Variants in THNSL1 observed in about 807,000 individuals in gnomAD.
The protein encoded by THNSL1 is threonine synthase-like 1.
Under a neutral mutation model 50.4 loss-of-function variants are expected in THNSL1, and 48 were observed. That is an observed-to-expected ratio of 0.95 (90% CI 0.76 to 1.21). The LOEUF (loss-of-function observed/expected upper bound fraction) is 1.21, where lower values mean the gene tolerates loss of function less well. Among genes scored for constraint, THNSL1 ranks in the 50% most tolerant of loss-of-function variants. The pLI is 0.00. For synonymous variants in THNSL1, 309 were observed against 306.1 expected (o/e 1.01, Z -0.10); for missense variants, 896 against 871.7 (o/e 1.03, Z -0.35).
the THNSL1 span, among the ~76,000 whole-genome samples, chr10:25,001,507 T>C: frequency 1.3e-5 from 2 of 152,138 alleles, no homozygotes; most frequent in Non-Finnish European, 2.9e-5. Context: ...CATGATTCTT[T>C]GACTGCTTGA....
At chr10:24,977,050 C>A in the THNSL1 span, among the ~76,000 whole-genome samples, 8 of 152,090 alleles carry the variant, frequency 5.3e-5, no homozygotes, top group African/African-American at 1.9e-4. Context: ...TCAATGAAAG[C>A]ATTGCTTTCT....
the THNSL1 span, among the ~76,000 whole-genome samples, chr10:25,007,450 A>ATTTC: frequency 1.3e-5 from 2 of 151,880 alleles, no homozygotes; most frequent in Non-Finnish European, 2.9e-5. Flanking sequence ...TTGTTTATTT[A>ATTTC]TTGAGATGGA....
the THNSL1 span, among the ~76,000 whole-genome samples, chr10:24,972,664 T>C: frequency 6.6e-6 from 1 of 152,134 alleles, no homozygotes; most frequent in African/African-American, 2.4e-5. Context: ...GAAAGACCAA[T>C]ATCAAAATGC....
chr10:24,956,235 C>A, the THNSL1 span, among the ~76,000 whole-genome samples: 1 of 151,924 alleles, frequency 6.6e-6, no homozygotes, highest in African/African-American at 2.4e-5. Flanking sequence ...TATTTCATCA[C>A]CCAGGTAATA....
At chr10:25,020,238 A>ATATATCTATCTATATCTATATCTATATC (rs1554772124) in intron 1 of THNSL1, among the ~76,000 whole-genome samples, 1 of 126,564 alleles carries the variant, frequency 7.9e-6, no homozygotes, top group African/African-American at 2.6e-5. Flanking sequence ...TTTCTTTAAA[A>ATATATCTATCTATATCTATATCTATATC]TATATCTATA....
rs764730530 is a variant in THNSL1 at position 25,024,632 on chromosome 10, C to T, written c.1409C>T (p.Ser470Phe). The change falls in exon 3 of 3, where the codon TCC (serine) becomes TTC (phenylalanine). Residue 470 changes from serine to phenylalanine, a missense_variant. Transcript: ENST00000376356. ...EYGTILSSANSINWGRLLPQV... is the reference protein window; with the variant it reads ...EYGTILSSANFINWGRLLPQV... ...GGAACAATCTTAAGTTCGGCTAACT[C>T]CATAAACTGGGGCCGACTACTTCCG... 1 of 1,614,236 alleles carries T rather than the reference C, an allele frequency of 6.2e-7. No individual in the cohort carries two copies.
the THNSL1 span, among the ~76,000 whole-genome samples, chr10:24,967,788 TATG>T: frequency 1.3e-4 from 20 of 151,878 alleles, no homozygotes; most frequent in Admixed American, 1.2e-3. Flanking sequence ...TGTATGTGCG[TATG>T]ATGTGTGTAT....
chr10:24,973,507 A>G, the THNSL1 span, among the ~76,000 whole-genome samples: 1 of 152,142 alleles, frequency 6.6e-6, no homozygotes, highest in Non-Finnish European at 1.5e-5. Flanking sequence ...TTTTCTAACC[A>G]TGTTGACCAC....
the THNSL1 span, among the ~76,000 whole-genome samples, chr10:24,975,603 C>T: frequency 6.6e-6 from 1 of 152,134 alleles, no homozygotes; most frequent in Non-Finnish European, 1.5e-5. Context: ...CGTGAGATCT[C>T]ATGGTTTTAT....
At chr10:24,993,772 T>C in the THNSL1 span, among the ~76,000 whole-genome samples, 7 of 152,234 alleles carry the variant, frequency 4.6e-5, no homozygotes, top group Non-Finnish European at 1.0e-4. Flanking sequence ...TCTGTTTCCA[T>C]GATGGATACT....
At chr10:25,010,029 A>C in the THNSL1 span, among the ~76,000 whole-genome samples, 5 of 152,194 alleles carry the variant, frequency 3.3e-5, no homozygotes, top group African/African-American at 1.2e-4. Flanking sequence ...AAAATGTGAA[A>C]GCGACTTTGG....
the THNSL1 span, among the ~76,000 whole-genome samples, chr10:24,954,336 C>A: frequency 6.6e-6 from 1 of 151,964 alleles, no homozygotes. Context: ...GGCTCATGAC[C>A]CATGCTTTAG....
At chr10:24,960,455 C>A in the THNSL1 span, among the ~76,000 whole-genome samples, 25 of 151,578 alleles carry the variant, frequency 1.6e-4, no homozygotes, top group East Asian at 4.9e-3. Flanking sequence ...GGAGATGGAG[C>A]CTTGCTCTGT....
chr10:24,966,944 G>A, the THNSL1 span, among the ~76,000 whole-genome samples: 1 of 152,156 alleles, frequency 6.6e-6, no homozygotes, highest in Non-Finnish European at 1.5e-5. Context: ...AGAAAATGTG[G>A]TAGTGTCTGT....
Position 25,025,463 on chromosome 10 carries a change from CAG to C in THNSL1, c.*11_*12del. 6.3e-7 allele frequency: 1 copy of C among 1,586,218 alleles called. No homozygotes were observed. The highest frequency in any genetic ancestry group is 8.6e-7 in the Non-Finnish European group (1 of 1,169,444). On this transcript the variant is annotated 3_prime_UTR_variant, in exon 3 of 3. Transcript: ENST00000376356. ...CAAAATCAATTCATATGAAAGCTTT[CAG>C]AGTAAATTTTTTTTTCTAGCTATAA...
At position 25,025,494 on chromosome 10, in the gene THNSL1, TGC is replaced by T. The variant is rs766742566; in HGVS notation, c.*40_*41del. On this transcript the variant is annotated 3_prime_UTR_variant, in exon 3 of 3. Transcript: ENST00000376356. ...AAATTTTTTTTTCTAGCTATAAGCATGCAATAATAAATCTCAAACACTGATTT... is the reference window on the plus strand; with the variant it reads ...AAATTTTTTTTTCTAGCTATAAGCATAATAATAAATCTCAAACACTGATTT... The T allele has an allele frequency of 9.7e-6, 15 of 1,545,188 alleles. No homozygotes were observed. Among genetic ancestry groups the T allele is most frequent in the Non-Finnish European group, 1.1e-5 (13 of 1,145,952 alleles).
At chr10:24,952,699 G>A in the THNSL1 span, 2 of 867,704 alleles carry the variant, frequency 2.3e-6, no homozygotes, top group African/African-American at 3.6e-5. The surrounding 1 kb of genome is among the most constrained non-coding windows in gnomAD (Gnocchi z 5.1). Context: ...GACGGGGACG[G>A]GTCCGCCCCG....
chr10:25,010,377 G>A, the THNSL1 span, among the ~76,000 whole-genome samples: 1 of 152,240 alleles, frequency 6.6e-6, no homozygotes, highest in South Asian at 2.1e-4. Context: ...GAGGTGACTT[G>A]AGTAGTGTTA....
At chr10:25,014,445 T>C (rs188236712), upstream of THNSL1, among the ~76,000 whole-genome samples, 88 of 152,130 alleles carry the variant, frequency 5.8e-4, no homozygotes, top group African/African-American at 2.0e-3. Context: ...GATATACTAG[T>C]GCAATATTAT....
Sources: gnomAD v4.1 joint callset for allele counts (sites outside exome capture counted in the v4.1 genomes callset) on GRCh38, gnomAD v4.1.1 for gene constraint, Gnocchi (gnomAD v3.1) non-coding constraint, MANE v1.5 for transcripts, NCBI Gene and HGNC (gene_info 2026-07-23, HGNC 2026-07-21) for gene names.